Variants in NUP93 observed in about 807,000 individuals in gnomAD.
NUP93 encodes the protein nucleoporin 93.
In NUP93, 55 loss-of-function variants were observed where a neutral mutation model predicts 107.8. That is an observed-to-expected ratio of 0.51 (90% CI 0.41 to 0.64). The LOEUF (loss-of-function observed/expected upper bound fraction) is 0.64, where lower values mean the gene tolerates loss of function less well. Among genes scored for constraint, NUP93 ranks in the 30% least tolerant of loss-of-function variants. NUP93 has a pLI of 0.00. For synonymous variants in NUP93, 390 were observed against 397.5 expected (o/e 0.98, Z 0.22); for missense variants, 937 against 1,044.7 (o/e 0.90, Z 1.42).
At chr16:56,833,908 T>C (rs1360970832) in intron 13 of NUP93, among the ~76,000 whole-genome samples, 1 of 152,148 alleles carries the variant, frequency 6.6e-6, no homozygotes, top group African/African-American at 2.4e-5. Context: ...GACCAGCATA[T>C]TAGTAATTTA....
chr16:56,772,877 A>G (rs921461161), intron 3 of NUP93, among the ~76,000 whole-genome samples: 1 of 152,196 alleles, frequency 6.6e-6, no homozygotes, highest in Admixed American at 6.5e-5. Context: ...CTGTTACAGT[A>G]CTGTGATAGT....
chr16:56,767,007 A>G (rs950271129), intron 3 of NUP93, among the ~76,000 whole-genome samples: 4 of 152,164 alleles, frequency 2.6e-5, no homozygotes, highest in Non-Finnish European at 4.4e-5. Flanking sequence ...GCATCTTTCC[A>G]TTTCACAGAT....
In NUP93 at chr16:56,841,723, G is replaced by C. The variant is rs1265991235; in HGVS notation, c.2239G>C (p.Glu747Gln). 1 of 1,614,026 alleles carries C rather than the reference G, an allele frequency of 6.2e-7. No individual in the cohort carries two copies. The highest frequency in any genetic ancestry group is 8.5e-7 in the Non-Finnish European group (1 of 1,180,016). Residue 747 changes from glutamate (E) to glutamine (Q), a missense_variant, in exon 21 of 22, where the codon GAA (glutamate) becomes CAA (glutamine). Transcript: ENST00000308159. ...TATGTAGATCAGGCACAACCTCTCA[G>C]AAGTGCTTCTTGCCACCATGAACAT... ...FSDEIRHNLS[E>Q]VLLATMNILF...
intron 3 of NUP93, among the ~76,000 whole-genome samples, chr16:56,780,644 G>T (rs1335013314): frequency 4.6e-5 from 7 of 152,172 alleles, no homozygotes; most frequent in African/African-American, 1.4e-4. Context: ...ATACAAAAAT[G>T]ATGATGGTAG....
chr16:56,756,260 C>T (rs1359195664), intron 2 of NUP93, among the ~76,000 whole-genome samples: 9 of 141,636 alleles, frequency 6.4e-5, no homozygotes, highest in Non-Finnish European at 1.2e-4. Flanking sequence ...GGCCTGCATG[C>T]GTTAGGTATT....
chr16:56,806,483 G>A (rs1963142794), intron 5 of NUP93, among the ~76,000 whole-genome samples: 1 of 152,028 alleles, frequency 6.6e-6, no homozygotes, highest in Non-Finnish European at 1.5e-5. Flanking sequence ...TTCTTACTTG[G>A]TATTTCTGGC....
chr16:56,843,736 T>C (rs1249969170), intron 21 of NUP93, among the ~76,000 whole-genome samples: 1 of 152,238 alleles, frequency 6.6e-6, no homozygotes, highest in Non-Finnish European at 1.5e-5. Context: ...ACACATCAGG[T>C]AAAAAGCATT....
intron 21 of NUP93, 55 bp downstream of exon 21, chr16:56,841,888 A>T: frequency 6.2e-7 from 1 of 1,602,062 alleles, no homozygotes; most frequent in Non-Finnish European, 8.5e-7. Flanking sequence ...TCTGGTTTGG[A>T]ATCCGTTGCG....
chr16:56,737,921 G>A (rs1328855229), intron 1 of NUP93, among the ~76,000 whole-genome samples: 2 of 152,250 alleles, frequency 1.3e-5, no homozygotes, highest in East Asian at 1.9e-4. Flanking sequence ...AAGTTGAGTA[G>A]CATTGGTTTA....
At chr16:56,788,474 T>TC (rs1459108817) in intron 3 of NUP93, among the ~76,000 whole-genome samples, 1 of 152,228 alleles carries the variant, frequency 6.6e-6, no homozygotes, top group Non-Finnish European at 1.5e-5. Context: ...AAGCATTTTT[T>TC]CCATTAGTGC....
chr16:56,774,731 G>T (rs78495955), intron 3 of NUP93, among the ~76,000 whole-genome samples: 1 of 151,952 alleles, frequency 6.6e-6, no homozygotes, highest in African/African-American at 2.4e-5. Flanking sequence ...TTCTCATTTC[G>T]CAGATGAAGA....
chr16:56,794,780 T>G (rs1248165190), intron 3 of NUP93, among the ~76,000 whole-genome samples: 1 of 151,470 alleles, frequency 6.6e-6, no homozygotes, highest in East Asian at 1.9e-4. Context: ...TACAAAAAAT[T>G]AGCTGGGCGT....
chr16:56,815,022 AC>A (rs1963391979), intron 5 of NUP93, among the ~76,000 whole-genome samples: 2 of 152,364 alleles, frequency 1.3e-5, no homozygotes, highest in Non-Finnish European at 2.9e-5. Flanking sequence ...GTCAAGGGCA[AC>A]TGAAGGATAG....
chr16:56,844,412 AC>A, intron 21 of NUP93, 86 bp from the exon 22 acceptor site: 1 of 725,218 alleles, frequency 1.4e-6, no homozygotes, highest in Non-Finnish European at 2.1e-6. Flanking sequence ...GGATGGAAGA[AC>A]ATGGAATAGA....
chr16:56,802,896 T>G (rs1243942327), intron 4 of NUP93, among the ~76,000 whole-genome samples: 4 of 152,188 alleles, frequency 2.6e-5, no homozygotes, highest in Non-Finnish European at 5.9e-5. Context: ...CTGAGAATGG[T>G]CATAATTCAA....
At chr16:56,739,687 T>A (rs1597099981) in intron 1 of NUP93, among the ~76,000 whole-genome samples, 1 of 120,588 alleles carries the variant, frequency 8.3e-6, no homozygotes, top group African/African-American at 3.4e-5. Flanking sequence ...CCCCCCCACC[T>A]CCCTCCCGGA....
Position 56,813,970 on chromosome 16 carries a change from C to T in NUP93, c.490-4694C>T, listed in dbSNP as rs535062881. Among the ~76,000 whole-genome samples the T allele has an allele frequency of 2.6e-5, 4 of 152,238 alleles. No individual in the cohort carries two copies. In the South Asian group the frequency reaches 8.3e-4, roughly 32 times the overall value. On this transcript the variant is annotated intron_variant, in intron 5 of 21. Transcript: ENST00000308159. Reference sequence around the variant, plus strand: ...ATTTAGGACCCTAGTCCTCTCTGGTCCCTGGTTGGTGTTTTTTTCCCAGTA... The same window carrying T: ...ATTTAGGACCCTAGTCCTCTCTGGTTCCTGGTTGGTGTTTTTTTCCCAGTA...
Position 56,832,353 on chromosome 16 carries a change from T to C in NUP93, c.1310T>C (p.Leu437Pro). Residue 437 changes from leucine to proline, a missense_variant, in exon 12 of 22, where the codon CTC (leucine) becomes CCC (proline). Coordinates refer to ENST00000308159, the MANE Select transcript of NUP93 (RefSeq NM_014669.5). ...GTSSPQDRLT[L>P]SQFQKQLLED... ...AGCTCCCCACAAGACAGGCTCACTC[T>C]CTCACAGTTCCAGAAGCAGTTGTTG... The C allele has an allele frequency of 6.2e-7, 1 of 1,614,130 alleles. No homozygotes were observed. The highest frequency in any genetic ancestry group is 8.5e-7 in the Non-Finnish European group (1 of 1,179,968).
At chr16:56,789,760 G>T (rs1464909416) in intron 3 of NUP93, among the ~76,000 whole-genome samples, 1 of 152,260 alleles carries the variant, frequency 6.6e-6, no homozygotes, top group Non-Finnish European at 1.5e-5. Flanking sequence ...AGTTATATAT[G>T]CAATCTGTGA....
Sources: allele counts gnomAD v4.1 joint callset (sites outside exome capture counted in the v4.1 genomes callset), GRCh38; gene constraint gnomAD v4.1.1; transcripts MANE v1.5; gene names NCBI Gene and HGNC (gene_info 2026-07-23, HGNC 2026-07-21).